FAXC: variants seen among roughly 807,000 people sequenced by gnomAD.
The protein encoded by FAXC is failed axon connections homolog, metaxin like GST domain containing.
A neutral mutation model predicts 41.9 loss-of-function variants in FAXC; 10 were observed. The ratio of observed to expected loss-of-function variants is 0.24; its 90% CI spans 0.15 to 0.41. The LOEUF (loss-of-function observed/expected upper bound fraction) is 0.41, where lower values mean the gene tolerates loss of function less well. Ranked by LOEUF, FAXC falls within the 10% of genes least tolerant of loss-of-function variation. The pLI, the probability that FAXC is intolerant of heterozygous loss-of-function variation, is 1.00. For synonymous variants in FAXC, 183 were observed against 183.8 expected, an observed-to-expected ratio of 1.00 and a Z score of 0.03; for missense variants, 399 against 510.9, an observed-to-expected ratio of 0.78 and a Z score of 2.11.
chr6:99,304,019 T>C (rs1320979300), intron 4 of FAXC, among the ~76,000 whole-genome samples: 1 of 152,220 alleles, frequency 6.6e-6, no homozygotes, highest in Admixed American at 6.5e-5. Flanking sequence ...TGGTGGCTCA[T>C]GCCTGTAATC....
At chr6:99,343,561 T>C (rs1392467077) in intron 1 of FAXC, among the ~76,000 whole-genome samples, 1 of 152,216 alleles carries the variant, frequency 6.6e-6, no homozygotes, top group Non-Finnish European at 1.5e-5. Flanking sequence ...GAGGATTAAC[T>C]TGCCCAAAGT....
chr6:99,286,621 G>C (rs151047486), intron 5 of FAXC, among the ~76,000 whole-genome samples: 2 of 152,314 alleles, frequency 1.3e-5, no homozygotes, highest in East Asian at 3.9e-4. Flanking sequence ...GTTTTGATAG[G>C]ACTCTGGAGG....
At chr6:99,308,801 G>A (rs748009752) in intron 4 of FAXC, among the ~76,000 whole-genome samples, 7 of 152,058 alleles carry the variant, frequency 4.6e-5, no homozygotes, top group Non-Finnish European at 7.4e-5. Flanking sequence ...ATATGTATGT[G>A]GAAAGTATAC....
chr6:99,301,239 A>T (rs989463340), intron 4 of FAXC, among the ~76,000 whole-genome samples: 4 of 152,214 alleles, frequency 2.6e-5, no homozygotes, highest in Non-Finnish European at 4.4e-5. Flanking sequence ...TTCTCAAACC[A>T]TACACTCATC....
intron 5 of FAXC, among the ~76,000 whole-genome samples, chr6:99,288,950 C>T (rs372266149): frequency 2.6e-4 from 39 of 152,100 alleles, no homozygotes; most frequent in Middle Eastern, 3.4e-3. Flanking sequence ...TGCTTGCCTG[C>T]CTCAGTTTCT....
At position 99,349,531 on chromosome 6, in the gene FAXC, A is replaced by C; in HGVS notation, c.-159T>G. 3.5e-6 allele frequency: 1 copy of C among 282,176 alleles called. No homozygotes were observed. 17.5% of individuals were successfully genotyped at this position (282,176 alleles called of 1,614,324 possible). On this transcript the variant is annotated 5_prime_UTR_variant, in exon 1 of 6. Transcript: ENST00000389677. ...GCGGCGACTGAGGAGGCGGCGGCAG[A>C]GGAGGAGGAGGAGGAAGGGCACTGG...
chr6:99,288,469 T>C (rs1047707357), intron 5 of FAXC, among the ~76,000 whole-genome samples: 4 of 152,112 alleles, frequency 2.6e-5, no homozygotes, highest in African/African-American at 4.8e-5. Context: ...AGAATGGATA[T>C]AAAACACAGC....
chr6:99,317,776 C>T (rs1022409482), intron 4 of FAXC, among the ~76,000 whole-genome samples: 1 of 152,214 alleles, frequency 6.6e-6, no homozygotes, highest in African/African-American at 2.4e-5. Flanking sequence ...TGGGACACAA[C>T]TATACAATTC....
chr6:99,279,453 T>G lies in FAXC; in HGVS notation c.*1711A>C, dbSNP rs1454252192. On this transcript the variant is annotated 3_prime_UTR_variant, in exon 6 of 6. Transcript: ENST00000389677. ...TAAGATTGTTTTGCAAATGCTATAT[T>G]CAAAAAGAGGTTTTTTTTTTTTCAA... 1.4e-5 allele frequency: 2 copies of G among 144,532 alleles called. No individual in the cohort carries two copies. The highest frequency in any genetic ancestry group is 5.6e-4 in the East Asian group (2 of 3,594). 9.0% of individuals were successfully genotyped at this position (144,532 alleles called of 1,614,324 possible).
chr6:99,330,657 A>T (rs1342091158), intron 3 of FAXC, among the ~76,000 whole-genome samples: 1 of 152,230 alleles, frequency 6.6e-6, no homozygotes, highest in African/African-American at 2.4e-5. Flanking sequence ...AAAACTCCAC[A>T]TAATTGAATC....
chr6:99,328,902 G>T (rs1325435134), intron 3 of FAXC, among the ~76,000 whole-genome samples: 3 of 152,094 alleles, frequency 2.0e-5, no homozygotes, highest in Non-Finnish European at 2.9e-5. Context: ...TTGATTAAAT[G>T]AAAAAAGGCT....
At chr6:99,323,130 C>T (rs1461198212) in intron 4 of FAXC, among the ~76,000 whole-genome samples, 1 of 152,166 alleles carries the variant, frequency 6.6e-6, no homozygotes, top group South Asian at 2.1e-4. Context: ...CTTCCTTGCT[C>T]AAAATCCCTG....
chr6:99,346,534 G>C (rs112013402), intron 1 of FAXC, among the ~76,000 whole-genome samples: 1 of 151,678 alleles, frequency 6.6e-6, no homozygotes, highest in Non-Finnish European at 1.5e-5. Flanking sequence ...GACTACAGGC[G>C]CGTGCCACCA....
chr6:99,322,149 T>C (rs1227437423), intron 4 of FAXC, among the ~76,000 whole-genome samples: 1 of 152,124 alleles, frequency 6.6e-6, no homozygotes. Context: ...GCCTAGACAA[T>C]GTCAATTCTG....
rs1326057891 is a variant in FAXC, at chr6:99,278,533, G to T, written c.*2631C>A. The T allele has an allele frequency of 6.6e-6, 1 of 152,196 alleles. No individual in the cohort carries two copies. Among genetic ancestry groups the T allele is most frequent in the Non-Finnish European group, 1.5e-5 (1 of 68,024 alleles). The allele number at this position is 152,196 out of a possible 1,614,324, so 9.4% of individuals were successfully genotyped here. ...TTTCCTATAATTAGCACCTGTTCAT[G>T]AAATTGGAGAACATTTCAAATCTGG... On this transcript the variant is annotated 3_prime_UTR_variant, in exon 6 of 6. Transcript: ENST00000389677.
At chr6:99,302,331 TCCCAA>T (rs1771744651) in intron 4 of FAXC, among the ~76,000 whole-genome samples, 1 of 152,184 alleles carries the variant, frequency 6.6e-6, no homozygotes, top group Admixed American at 6.5e-5. Context: ...TGTTGGGTCA[TCCCAA>T]TGCTTCTGCC....
chr6:99,289,761 C>G (rs1020719136), intron 5 of FAXC, among the ~76,000 whole-genome samples: 1 of 151,476 alleles, frequency 6.6e-6, no homozygotes, highest in Non-Finnish European at 1.5e-5. Flanking sequence ...CACCTCTAAC[C>G]TGCCAAACAT....
At chr6:99,341,748 G>A (rs1773434893) in intron 2 of FAXC, among the ~76,000 whole-genome samples, 1 of 152,086 alleles carries the variant, frequency 6.6e-6, no homozygotes, top group Non-Finnish European at 1.5e-5. Flanking sequence ...GTTTAAGCAA[G>A]TAGATCTATA....
chr6:99,298,336 C>T (rs1410413869), intron 4 of FAXC, among the ~76,000 whole-genome samples: 1 of 151,750 alleles, frequency 6.6e-6, no homozygotes, highest in African/African-American at 2.4e-5. Context: ...CTCCAAAGTG[C>T]TGGGATTCCA....
Sources: allele counts gnomAD v4.1 joint callset (sites outside exome capture counted in the v4.1 genomes callset), GRCh38; gene constraint gnomAD v4.1.1; transcripts MANE v1.5; gene names NCBI Gene and HGNC (gene_info 2026-07-23, HGNC 2026-07-21).